The following THEM4 variants were observed in gnomAD, a reference collection of about 807,000 sequenced individuals.
The protein encoded by THEM4 is thioesterase superfamily member 4.
A neutral mutation model predicts 25.0 loss-of-function variants in THEM4; 22 were observed. The ratio of observed to expected loss-of-function variants is 0.88; its 90% CI spans 0.63 to 1.26. THEM4 has a LOEUF of 1.26. Among genes scored for constraint, THEM4 ranks in the 50% most tolerant of loss-of-function variants. THEM4 has a pLI of 0.00. For synonymous variants in THEM4, 113 were observed against 105.6 expected (o/e 1.07, Z -0.43); for missense variants, 286 against 300.3 (o/e 0.95, Z 0.35).
At chr1:151,892,850 G>T (rs1457388999) in intron 2 of THEM4, among the ~76,000 whole-genome samples, 1 of 152,150 alleles carries the variant, frequency 6.6e-6, no homozygotes, top group Non-Finnish European at 1.5e-5. Context: ...GAAGAGAGGA[G>T]TACTAAGGAC....
intron 4 of THEM4, 55 bp from the exon 5 acceptor site, chr1:151,877,180 A>T (rs1488940318): frequency 1.3e-6 from 2 of 1,530,528 alleles, no homozygotes; most frequent in African/African-American, 2.8e-5. Context: ...CTTATATAAC[A>T]TTAAAAGATG....
At chr1:151,890,661 T>C (rs946518816) in intron 2 of THEM4, 1 of 155,630 alleles carries the variant, frequency 6.4e-6, no homozygotes, top group African/African-American at 2.4e-5. Flanking sequence ...GATGTGCACA[T>C]ACTATATACA....
intron 1 of THEM4, among the ~76,000 whole-genome samples, chr1:151,906,257 G>T (rs966703604): frequency 1.3e-5 from 2 of 152,234 alleles, no homozygotes; most frequent in Non-Finnish European, 1.5e-5. Context: ...CCGGCCCCAC[G>T]CAATGAGGGG....
At chr1:151,891,652 G>A (rs564381756) in intron 2 of THEM4, among the ~76,000 whole-genome samples, 1 of 152,338 alleles carries the variant, frequency 6.6e-6, no homozygotes, top group South Asian at 2.1e-4. Flanking sequence ...AAAACAGGAT[G>A]TTTAAATGTA....
At chr1:151,904,898 A>G (rs1654423203) in intron 1 of THEM4, among the ~76,000 whole-genome samples, 1 of 152,200 alleles carries the variant, frequency 6.6e-6, no homozygotes, top group South Asian at 2.1e-4. Flanking sequence ...TATTAATTTT[A>G]GTTTGGCAGG....
intron 4 of THEM4, among the ~76,000 whole-genome samples, chr1:151,883,424 CTT>C (rs1197180358): frequency 6.6e-6 from 1 of 151,950 alleles, no homozygotes. Context: ...CTGCCAAACA[CTT>C]TTAAACCATC....
chr1:151,878,891 T>TACACACACACACACACACACACACAC (rs55900104), intron 4 of THEM4, among the ~76,000 whole-genome samples: 17 of 138,536 alleles, frequency 1.2e-4, no homozygotes, highest in African/African-American at 4.0e-4. Flanking sequence ...TATATGTCTA[T>TACACACACACACACACACACACACAC]ACACACACAC....
rs796659647 is a variant in THEM4 at position 151,873,858 on chromosome 1, G to C, written c.*1030C>G. ...GGAGGCGTGGACAGCTCCTTCCCTA[G>C]CACTTTCAGGAGAATGGCCTTGGTC... On this transcript the variant is annotated 3_prime_UTR_variant, in exon 6 of 6. Transcript: ENST00000368814. The C allele has an allele frequency of 2.0e-5, 3 of 152,336 alleles. No homozygotes were observed. Among genetic ancestry groups the C allele is most frequent in the African/African-American group, 7.2e-5 (3 of 41,572 alleles). 9.4% of individuals were successfully genotyped at this position (152,336 alleles called of 1,614,324 possible). A position where few individuals can be genotyped will look rare whatever the true frequency, so the allele number is the denominator to read the frequency against.
intron 1 of THEM4, 88 bp from the exon 2 acceptor site, chr1:151,895,282 T>C: frequency 8.5e-7 from 1 of 1,170,648 alleles, no homozygotes; most frequent in Non-Finnish European, 1.2e-6. Flanking sequence ...ATTATCTTGC[T>C]GCTTTTCTTC....
At chr1:151,908,661 G>C (rs1372086829) in intron 1 of THEM4, among the ~76,000 whole-genome samples, 1 of 152,166 alleles carries the variant, frequency 6.6e-6, no homozygotes, top group Admixed American at 6.5e-5. Flanking sequence ...TATTTATAAG[G>C]CCTTTATGTT....
In THEM4 at chr1:151,874,872, G is replaced by A. The variant is rs767124334; in HGVS notation, c.*16C>T. 8 of 1,612,530 alleles carry A rather than the reference G, an allele frequency of 5.0e-6. No homozygotes were observed. In the African/African-American group the frequency reaches 9.3e-5, roughly 19 times the overall value. ...TCTGGAGGGGCGAGAATGAGATGGAGTTCACCAGCAGCTCTTTATGTCAGA... is the reference window on the plus strand; with the variant it reads ...TCTGGAGGGGCGAGAATGAGATGGAATTCACCAGCAGCTCTTTATGTCAGA... On this transcript the variant is annotated 3_prime_UTR_variant, in exon 6 of 6. Coordinates refer to ENST00000368814, the MANE Select transcript of THEM4 (RefSeq NM_053055.5).
chr1:151,909,350 C>G lies in THEM4; in HGVS notation c.99+10G>C. 3 of 1,514,992 alleles carry G rather than the reference C, an allele frequency of 2.0e-6. No individual in the cohort carries two copies. Among genetic ancestry groups the G allele is most frequent in the Non-Finnish European group, 2.6e-6 (3 of 1,137,040 alleles). The allele number at this position is 1,514,992 out of a possible 1,614,324, so 93.8% of individuals were successfully genotyped here. Reference sequence around the variant, plus strand: ...GCTCCCGCCCCATGCCCGAGGGTGCCCAGACTCACCAGCTCGGGTCGCGGC... The same window carrying G: ...GCTCCCGCCCCATGCCCGAGGGTGCGCAGACTCACCAGCTCGGGTCGCGGC... On this transcript the variant is annotated intron_variant, in intron 1 of 5. Transcript: ENST00000368814.
chr1:151,890,239 G>T (rs1282327821), intron 2 of THEM4: 1 of 457,418 alleles, frequency 2.2e-6, no homozygotes, highest in Admixed American at 2.3e-5. Context: ...AGAACACTTA[G>T]TTAACAGAAC....
intron 5 of THEM4, among the ~76,000 whole-genome samples, chr1:151,875,955 T>A (rs774609837): frequency 1.8e-4 from 27 of 152,174 alleles, no homozygotes; most frequent in Non-Finnish European, 2.8e-4. Flanking sequence ...CCAGGAGACA[T>A]GAACAAGAAT....
At chr1:151,889,177 A>T (rs751329399) in intron 3 of THEM4, 37 bp downstream of exon 3, 26 of 1,599,718 alleles carry the variant, frequency 1.6e-5, no homozygotes, top group Non-Finnish European at 1.7e-6. Flanking sequence ...TAAGATAAAA[A>T]TCTTTTAGAT....
At chr1:151,878,630 C>T (rs531784388) in intron 4 of THEM4, among the ~76,000 whole-genome samples, 4 of 152,162 alleles carry the variant, frequency 2.6e-5, no homozygotes, top group Admixed American at 2.6e-4. Context: ...AACAGAAAGT[C>T]CTAGATTAGT....
intron 4 of THEM4, among the ~76,000 whole-genome samples, 198 bp downstream of exon 4, chr1:151,888,074 CT>C (rs1038226179): frequency 4.6e-5 from 7 of 152,194 alleles, no homozygotes; most frequent in African/African-American, 1.7e-4. Context: ...TAAAGCTATG[CT>C]TTGCTGGACT....
intron 4 of THEM4, among the ~76,000 whole-genome samples, chr1:151,881,988 A>G (rs1334338825): frequency 1.3e-5 from 2 of 152,092 alleles, no homozygotes; most frequent in East Asian, 3.9e-4. Context: ...TATGCTCTCT[A>G]TATTTCCCAT....
In THEM4 at chr1:151,889,324, G is replaced by C. The variant is rs755678522; in HGVS notation, c.336C>G (p.Thr112=). The change falls in exon 3 of 6, where the codon ACC becomes ACG. Residue 112 remains threonine (T), a synonymous_variant. Coordinates refer to ENST00000368814, the MANE Select transcript of THEM4 (RefSeq NM_053055.5). ...EEQMSQAQLF[T]RSFDDGLGFE... is the part of the protein sequence containing the mutation. ...AGCCCAGGCCATCATCAAAGCTTCTGGTGAAGAGCTGGGCCTGTGACATTT... is the reference window on the plus strand; with the variant it reads ...AGCCCAGGCCATCATCAAAGCTTCTCGTGAAGAGCTGGGCCTGTGACATTT... 2.5e-6 allele frequency: 4 copies of C among 1,614,062 alleles called. No individual in the cohort carries two copies. In the East Asian group the frequency reaches 6.7e-5, roughly 27 times the overall value.
Sources: gnomAD v4.1 joint callset for allele counts (sites outside exome capture counted in the v4.1 genomes callset) on GRCh38, gnomAD v4.1.1 for gene constraint, MANE v1.5 for transcripts, NCBI Gene and HGNC (gene_info 2026-07-23, HGNC 2026-07-21) for gene names.